The following PCDHA3 variants were observed in gnomAD, a reference collection of about 807,000 sequenced individuals.
PCDHA3 encodes the protein protocadherin alpha-3.
In PCDHA3, 41 loss-of-function variants were observed where a neutral mutation model predicts 62.2. That is an observed-to-expected ratio of 0.66 (90% CI 0.51 to 0.86). The LOEUF (loss-of-function observed/expected upper bound fraction) is 0.86. PCDHA3 is among the 40% of genes least tolerant of loss of function. PCDHA3 has a pLI of 0.00. For missense variants in PCDHA3, 1,304 were observed against 1,241.2 expected (o/e 1.05, Z -0.76); for synonymous variants, 640 against 555.4 (o/e 1.15, Z -2.14).
At chr5:141,000,595 T>G (rs1438785385) in intron 3 of PCDHA3, among the ~76,000 whole-genome samples, 1 of 150,924 alleles carries the variant, frequency 6.6e-6, no homozygotes, top group African/African-American at 2.4e-5. Context: ...GCCCAGCTAA[T>G]TTTTGTATTT....
At chr5:140,966,744 T>A in intron 1 of PCDHA3, 1 of 1,424,124 alleles carries the variant, frequency 7.0e-7, no homozygotes. Flanking sequence ...CCTGCCCGGC[T>A]GCCTCCGCCG....
intron 3 of PCDHA3, among the ~76,000 whole-genome samples, chr5:140,990,425 T>G (rs1268987059): frequency 6.6e-6 from 1 of 152,214 alleles, no homozygotes; most frequent in Non-Finnish European, 1.5e-5. Context: ...CAACCAGCAT[T>G]GACCCAATCT....
intron 3 of PCDHA3, among the ~76,000 whole-genome samples, chr5:140,985,216 C>G (rs1009954667): frequency 1.3e-5 from 2 of 152,186 alleles, no homozygotes; most frequent in Non-Finnish European, 2.9e-5. Flanking sequence ...GGATTACAGG[C>G]GTGAGCCACC....
rs1305370888 is a variant in PCDHA3, at chr5:140,852,030, T to C, written c.2394+48439T>C. 9.7e-5 allele frequency: 91 copies of C among 938,230 alleles called. 9 individuals are homozygous for C. The highest frequency in any genetic ancestry group is 9.0e-5 in the Non-Finnish European group (70 of 773,886). The allele number at this position is 938,230 out of a possible 1,614,324, so 58.1% of individuals were successfully genotyped here. A position where few individuals can be genotyped will look rare whatever the true frequency, so the allele number is the denominator to read the frequency against. On this transcript the variant is annotated intron_variant, in intron 1 of 3. Coordinates refer to ENST00000522353, the MANE Select transcript of PCDHA3 (RefSeq NM_018906.3). ...TTTATAGTTTTAAAAACTTCGCTTATTGAGTTTTTGTTATGTGGTTTATAT... is the reference window on the plus strand; with the variant it reads ...TTTATAGTTTTAAAAACTTCGCTTACTGAGTTTTTGTTATGTGGTTTATAT...
At chr5:140,861,560 C>T in intron 1 of PCDHA3, 2 of 391,164 alleles carry the variant, frequency 5.1e-6, no homozygotes, top group African/African-American at 2.1e-5. Flanking sequence ...TGATCGTGGA[C>T]AAGCTGCTAC....
intron 1 of PCDHA3, among the ~76,000 whole-genome samples, chr5:140,888,250 G>A (rs2061753546): frequency 6.6e-6 from 1 of 152,128 alleles, no homozygotes; most frequent in African/African-American, 2.4e-5. Flanking sequence ...CTTTAAAGCA[G>A]TAGTTCTTGA....
At chr5:140,882,884 C>T (rs782007101) in intron 1 of PCDHA3, 3 of 1,614,184 alleles carry the variant, frequency 1.9e-6, no homozygotes, top group Middle Eastern at 3.3e-4. Context: ...AGAGGAAATT[C>T]AGGAACATAG....
At chr5:140,877,240 G>A (rs1481558429) in intron 1 of PCDHA3, 2 of 1,613,736 alleles carry the variant, frequency 1.2e-6, no homozygotes, top group Non-Finnish European at 1.7e-6. Context: ...TGCGGGCCAC[G>A]TGGTGGCGAA....
intron 2 of PCDHA3, 148 bp from the exon 3 acceptor site, chr5:140,982,327 C>A: frequency 7.0e-7 from 1 of 1,419,146 alleles, no homozygotes; most frequent in South Asian, 1.4e-5. Context: ...AGGGTGACTG[C>A]TCAGCAGTAA....
At chr5:140,821,883 G>C in intron 1 of PCDHA3, 1 of 1,614,120 alleles carries the variant, frequency 6.2e-7, no homozygotes, top group East Asian at 2.2e-5. Flanking sequence ...CGATCCCGGA[G>C]GAAGCCAAAC....
intron 1 of PCDHA3, among the ~76,000 whole-genome samples, chr5:140,978,488 C>T (rs1453613410): frequency 6.6e-6 from 1 of 152,224 alleles, no homozygotes; most frequent in Non-Finnish European, 1.5e-5. Flanking sequence ...TCTGCAAAGC[C>T]AGCAGCAGAT....
chr5:140,926,713 C>T (rs1018008271), intron 1 of PCDHA3: 2 of 944,684 alleles, frequency 2.1e-6, no homozygotes, highest in Non-Finnish European at 2.9e-6. Context: ...CTGGCCAGCC[C>T]CGGCAATGCC....
intron 3 of PCDHA3, among the ~76,000 whole-genome samples, chr5:140,985,509 T>C (rs6886977): frequency 1.5e-3 from 223 of 152,280 alleles, no homozygotes; most frequent in African/African-American, 4.4e-3. Context: ...CTTTCATTGA[T>C]TCTGTTGCCC....
intron 1 of PCDHA3, chr5:140,869,089 C>G: frequency 6.3e-7 from 1 of 1,588,998 alleles, no homozygotes; most frequent in Non-Finnish European, 8.6e-7. Context: ...ATTTTGGAAG[C>G]CAATTTCGTA....
At chr5:140,841,888 T>A (rs2150324867) in intron 1 of PCDHA3, 2 of 1,613,782 alleles carry the variant, frequency 1.2e-6, no homozygotes, top group Non-Finnish European at 1.7e-6. Flanking sequence ...ACGATGAGAA[T>A]AAACTGGTTG....
At chr5:140,943,139 T>A (rs2093424349) in intron 1 of PCDHA3, among the ~76,000 whole-genome samples, 2 of 151,168 alleles carry the variant, frequency 1.3e-5, no homozygotes, top group Admixed American at 6.6e-5. Context: ...GTGCCTGTAG[T>A]CCCAGCTACT....
At chr5:140,974,652 C>T (rs1238427822) in intron 1 of PCDHA3, among the ~76,000 whole-genome samples, 2 of 152,078 alleles carry the variant, frequency 1.3e-5, no homozygotes, top group East Asian at 1.9e-4. Context: ...GCTGAGATTA[C>T]AGGCATGCGC....
At chr5:140,892,616 G>A (rs781995267) in intron 1 of PCDHA3, among the ~76,000 whole-genome samples, 1 of 151,910 alleles carries the variant, frequency 6.6e-6, no homozygotes, top group Admixed American at 6.6e-5. Flanking sequence ...TTTATTTCCA[G>A]TTGGTACATA....
chr5:140,982,634 T>C, intron 3 of PCDHA3, 71 bp downstream of exon 3: 1 of 1,555,420 alleles, frequency 6.4e-7, no homozygotes, highest in Non-Finnish European at 8.7e-7. Flanking sequence ...TTTTGTAAGA[T>C]CAGGAATGTT....
Sources: gnomAD v4.1 joint callset for allele counts (sites outside exome capture counted in the v4.1 genomes callset) on GRCh38, gnomAD v4.1.1 for gene constraint, MANE v1.5 for transcripts, NCBI Gene and HGNC (gene_info 2026-07-23, HGNC 2026-07-21) for gene names.